PCDHA2: variants seen among roughly 807,000 people sequenced by gnomAD.
PCDHA2 encodes protocadherin alpha 2.
PCDHA2 carries 58 observed loss-of-function variants against 66.0 expected under a neutral mutation model. That is an observed-to-expected ratio of 0.88 (90% CI 0.71 to 1.09). PCDHA2 has a LOEUF of 1.09. PCDHA2 is among the 50% of genes least tolerant of loss of function. PCDHA2 has a pLI of 0.00. For synonymous variants in PCDHA2, 634 were observed against 554.0 expected (o/e 1.14, Z -2.03); for missense variants, 1,267 against 1,242.3 (o/e 1.02, Z -0.30).
intron 1 of PCDHA2, among the ~76,000 whole-genome samples, chr5:140,950,271 T>C (rs1202365274): frequency 6.6e-6 from 1 of 152,058 alleles, no homozygotes; most frequent in Non-Finnish European, 1.5e-5. Flanking sequence ...ATCCATAATG[T>C]CTTTTTGCTT....
At chr5:140,807,865 T>C in intron 1 of PCDHA2, 1 of 1,614,150 alleles carries the variant, frequency 6.2e-7, no homozygotes, top group Non-Finnish European at 8.5e-7. Flanking sequence ...CTGGCACCGT[T>C]CAGTTACTCA....
chr5:140,795,261 C>G lies in PCDHA2; in HGVS notation c.297C>G (p.Ser99Arg), dbSNP rs1307136021. The G allele has an allele frequency of 3.7e-6, 6 of 1,614,016 alleles. No homozygotes were observed. Among genetic ancestry groups the G allele is most frequent in the African/African-American group, 1.3e-5 (1 of 74,922 alleles). The change falls in exon 1 of 4, where the codon AGC becomes AGG. Residue 99 changes from serine to arginine, a missense_variant. Coordinates refer to ENST00000526136, the MANE Select transcript of PCDHA2 (RefSeq NM_018905.3). ...RIDREELCGR[S>R]AECSIHVEVI... Reference sequence around the variant, plus strand: ...ACCGGGAGGAGCTGTGCGGGCGGAGCGCGGAATGTAGCATCCACGTGGAGG... The same window carrying G: ...ACCGGGAGGAGCTGTGCGGGCGGAGGGCGGAATGTAGCATCCACGTGGAGG...
intron 1 of PCDHA2, among the ~76,000 whole-genome samples, chr5:140,954,639 T>A (rs1433862413): frequency 6.6e-6 from 1 of 152,240 alleles, no homozygotes; most frequent in East Asian, 1.9e-4. Flanking sequence ...TCTTGTAAAT[T>A]TGTTTAAGTT....
Position 140,862,422 on chromosome 5 carries a change from A to G in PCDHA2, c.2388+65070A>G, listed in dbSNP as rs76178077. On this transcript the variant is annotated intron_variant, in intron 1 of 3. Transcript: ENST00000526136. Reference sequence around the variant, plus strand: ...TGTCTACCTTCAAAAGGCGCTGCCCAGAAACTATTCGTTGGTACTCCACAG... The same window carrying G: ...TGTCTACCTTCAAAAGGCGCTGCCCGGAAACTATTCGTTGGTACTCCACAG... The G allele has an allele frequency of 2.5e-3, 872 of 353,812 alleles. 5 individuals are homozygous for G. Among genetic ancestry groups the G allele is most frequent in the African/African-American group, 0.018 (823 of 46,772 alleles). The allele number at this position is 353,812 out of a possible 1,614,324, so 21.9% of individuals were successfully genotyped here.
chr5:140,871,118 G>A, intron 1 of PCDHA2: 3 of 1,613,306 alleles, frequency 1.9e-6, no homozygotes, highest in Non-Finnish European at 2.5e-6. Flanking sequence ...GTGGAGAGCG[G>A]ACAGGCGCCA....
intron 1 of PCDHA2, chr5:140,828,831 AC>A: frequency 6.2e-7 from 1 of 1,614,230 alleles, no homozygotes; most frequent in African/African-American, 1.3e-5. Context: ...CAGTCTGAAT[AC>A]GAAGTAAGAA....
intron 1 of PCDHA2, chr5:140,841,468 G>C: frequency 6.2e-7 from 1 of 1,612,986 alleles, no homozygotes; most frequent in Non-Finnish European, 8.5e-7. Flanking sequence ...GCCGGATCGC[G>C]CAGGACCTGG....
At chr5:140,898,430 C>G (rs2153460461) in intron 1 of PCDHA2, among the ~76,000 whole-genome samples, 1 of 152,270 alleles carries the variant, frequency 6.6e-6, no homozygotes, top group East Asian at 1.9e-4. Flanking sequence ...TTCCCAGCAC[C>G]ATTTATTAAA....
At position 140,869,505 on chromosome 5, in the gene PCDHA2, G is replaced by A. The variant is rs376431150; in HGVS notation, c.2388+72153G>A. On this transcript the variant is annotated intron_variant, in intron 1 of 3. Coordinates refer to ENST00000526136, the MANE Select transcript of PCDHA2 (RefSeq NM_018905.3). ...TTAACGACAACCCGCCGGTGTTCTCGCTCAGAGAACAAAAGCTGCTGATTG... is the reference window on the plus strand; with the variant it reads ...TTAACGACAACCCGCCGGTGTTCTCACTCAGAGAACAAAAGCTGCTGATTG... 89 of 1,614,192 alleles carry A rather than the reference G, an allele frequency of 5.5e-5. No individual in the cohort carries two copies. In the African/African-American group the frequency reaches 1.1e-3, roughly 19 times the overall value.
At chr5:140,908,049 G>A (rs563362239) in intron 1 of PCDHA2, among the ~76,000 whole-genome samples, 19 of 152,210 alleles carry the variant, frequency 1.2e-4, no homozygotes, top group Admixed American at 1.0e-3. Flanking sequence ...TTGCACATCC[G>A]GCCATTTCTC....
chr5:140,935,566 T>A (rs2090441028), intron 1 of PCDHA2, among the ~76,000 whole-genome samples: 1 of 152,246 alleles, frequency 6.6e-6, no homozygotes, highest in Non-Finnish European at 1.5e-5. Context: ...AAAGTTCCTC[T>A]CTGTGTAGTT....
At position 140,810,328 on chromosome 5, in the gene PCDHA2, A is replaced by C. The variant is rs149421696; in HGVS notation, c.2388+12976A>C. 4 of 152,316 alleles carry C rather than the reference A, an allele frequency of 2.6e-5. No homozygotes were observed. The East Asian group carries it at 7.7e-4, about 29-fold the overall frequency. The allele number at this position is 152,316 out of a possible 1,614,324, so 9.4% of individuals were successfully genotyped here. Reference sequence around the variant, plus strand: ...ATTTCTTTGATGCCCATGTACACAGATTTCTCTCAGGTTTTTGCCTAAGAG... The same window carrying C: ...ATTTCTTTGATGCCCATGTACACAGCTTTCTCTCAGGTTTTTGCCTAAGAG... On this transcript the variant is annotated intron_variant, in intron 1 of 3. Transcript: ENST00000526136.
intron 3 of PCDHA2, among the ~76,000 whole-genome samples, chr5:140,987,740 A>G (rs1454887233): frequency 6.6e-6 from 1 of 152,078 alleles, no homozygotes; most frequent in Admixed American, 6.5e-5. Flanking sequence ...CAAAATTTAG[A>G]CCCAGGTTGT....
intron 1 of PCDHA2, among the ~76,000 whole-genome samples, chr5:140,900,786 A>C (rs888308882): frequency 2.0e-5 from 3 of 152,152 alleles, no homozygotes; most frequent in African/African-American, 7.2e-5. Flanking sequence ...GAAACTCCAA[A>C]CTGTTCTCCA....
chr5:140,850,487 T>C (rs2150486193), intron 1 of PCDHA2: 2 of 1,597,790 alleles, frequency 1.3e-6, no homozygotes, highest in East Asian at 2.2e-5. Flanking sequence ...CCACGGCCAC[T>C]GTGCTGGTGT....
At chr5:140,828,821 C>T (rs1402518398) in intron 1 of PCDHA2, 1 of 1,614,068 alleles carries the variant, frequency 6.2e-7, no homozygotes, top group Non-Finnish European at 8.5e-7. Flanking sequence ...CACTTTCGAA[C>T]AGTCTGAATA....
Position 140,868,975 on chromosome 5 carries a change from A to G in PCDHA2, c.2388+71623A>G, listed in dbSNP as rs1379610882. 4.1e-6 allele frequency: 6 copies of G among 1,479,060 alleles called. No individual in the cohort carries two copies. The South Asian group carries it at 7.0e-5, about 17-fold the overall frequency. The allele number at this position is 1,479,060 out of a possible 1,614,324, so 91.6% of individuals were successfully genotyped here. A position where few individuals can be genotyped will look rare whatever the true frequency, so the allele number is the denominator to read the frequency against. The stretch of plus-strand genomic sequence containing the variant: ...CACTCCCATACAAAGGAACTCCATC[A>G]TACCGGATGCCACCGTTTAAGGATC... On this transcript the variant is annotated intron_variant, in intron 1 of 3. Transcript: ENST00000526136.
At chr5:140,830,666 A>G in intron 1 of PCDHA2, 1 of 390,320 alleles carries the variant, frequency 2.6e-6, no homozygotes, top group Non-Finnish European at 4.2e-6. Flanking sequence ...AATTTAAGTG[A>G]AATTAGAAAT....
At chr5:140,876,906 G>C (rs782762108) in intron 1 of PCDHA2, 10 of 1,613,910 alleles carry the variant, frequency 6.2e-6, no homozygotes, top group Middle Eastern at 3.3e-4. Flanking sequence ...TCACGGTGTC[G>C]GCATGGGACG....
Sources: allele counts gnomAD v4.1 joint callset (sites outside exome capture counted in the v4.1 genomes callset), GRCh38; gene constraint gnomAD v4.1.1; transcripts MANE v1.5; gene names NCBI Gene and HGNC (gene_info 2026-07-23, HGNC 2026-07-21).